ABHD3: variants seen among roughly 807,000 people sequenced by gnomAD.
ABHD3 encodes the protein phospholipase ABHD3.
In ABHD3, 46 loss-of-function variants were observed where a neutral mutation model predicts 48.8. That is an observed-to-expected ratio of 0.94 (90% CI 0.74 to 1.20). The LOEUF is 1.20. Ranked by LOEUF, ABHD3 falls within the 50% of genes most tolerant of loss-of-function variation. The pLI, the probability that ABHD3 is intolerant of heterozygous loss-of-function variation, is 0.00. For missense variants in ABHD3, 490 were observed against 497.8 expected (o/e 0.98, Z 0.15); for synonymous variants, 192 against 183.7 (o/e 1.04, Z -0.36).
chr18:21,702,920 C>T (rs1162470222), intron 2 of ABHD3, among the ~76,000 whole-genome samples: 1 of 152,172 alleles, frequency 6.6e-6, no homozygotes, highest in Non-Finnish European at 1.5e-5. Flanking sequence ...GTATAGTATA[C>T]TTCAAGATTT....
chr18:21,698,463 A>C (rs559519603), intron 3 of ABHD3, among the ~76,000 whole-genome samples: 8 of 152,072 alleles, frequency 5.3e-5, no homozygotes, highest in Non-Finnish European at 1.0e-4. Context: ...CTGGGATTAC[A>C]GGCTTGAGCC....
At chr18:21,685,458 T>C (rs1369684782) in intron 3 of ABHD3, among the ~76,000 whole-genome samples, 2 of 152,226 alleles carry the variant, frequency 1.3e-5, no homozygotes, top group African/African-American at 4.8e-5. Context: ...AGAAGAGAAA[T>C]GTTTAGAAAC....
At chr18:21,671,864 T>C (rs1443812118) in intron 4 of ABHD3, among the ~76,000 whole-genome samples, 1 of 152,282 alleles carries the variant, frequency 6.6e-6, no homozygotes, top group Non-Finnish European at 1.5e-5. Flanking sequence ...CTCAAACTCC[T>C]GGGCTCAAGC....
chr18:21,703,439 G>T (rs1052569491), intron 2 of ABHD3, 145 bp downstream of exon 2: 13 of 986,712 alleles, frequency 1.3e-5, no homozygotes, highest in Middle Eastern at 2.3e-4. Context: ...GTGGAGCCGG[G>T]GACGTACCTT....
rs1194535325 is a variant in ABHD3 at position 21,703,732 on chromosome 18, T to C, written c.178A>G (p.Thr60Ala). Residue 60 changes from threonine (T) to alanine (A), a missense_variant, in exon 2 of 9, where the codon ACC (threonine) becomes GCC (alanine). Thr to Ala is a moderately conservative substitution (Grantham distance 58). Transcript: ENST00000289119. ...SSIAKKPQLV[T>A]GGESFSRFLQ... ...AAGCGGCTGAAACTCTCACCCCCGG[T>C]CACTAACTGGGGTTTCTGAAGGGAA... The C allele has an allele frequency of 6.2e-7, 1 of 1,613,720 alleles. No individual in the cohort carries two copies. The highest frequency in any genetic ancestry group is 8.5e-7 in the Non-Finnish European group (1 of 1,179,824).
At chr18:21,684,088 G>C in intron 3 of ABHD3, 123 bp from the exon 4 acceptor site, 1 of 837,018 alleles carries the variant, frequency 1.2e-6, no homozygotes, top group Non-Finnish European at 1.8e-6. Context: ...CTGTCTTGTA[G>C]TTGTAATGTT....
At chr18:21,671,531 TGGCAG>T (rs2039757334) in intron 4 of ABHD3, among the ~76,000 whole-genome samples, 1 of 152,110 alleles carries the variant, frequency 6.6e-6, no homozygotes, top group Non-Finnish European at 1.5e-5. Context: ...GTAATGCAAC[TGGCAG>T]CTATCCTTCT....
intron 3 of ABHD3, among the ~76,000 whole-genome samples, chr18:21,686,305 A>T (rs1316382791): frequency 6.6e-6 from 1 of 152,234 alleles, no homozygotes; most frequent in Non-Finnish European, 1.5e-5. Context: ...GTCACACAGG[A>T]ACCGGTGCTA....
chr18:21,692,479 G>A (rs942061036), intron 3 of ABHD3, among the ~76,000 whole-genome samples: 2 of 152,068 alleles, frequency 1.3e-5, no homozygotes, highest in Non-Finnish European at 2.9e-5. Context: ...TGGCAATTCT[G>A]GTTATTTCTT....
At chr18:21,667,907 A>G (rs975000712) in intron 4 of ABHD3, among the ~76,000 whole-genome samples, 1 of 152,054 alleles carries the variant, frequency 6.6e-6, no homozygotes, top group African/African-American at 2.4e-5. Context: ...TAAATAGAAA[A>G]TATCTTCTAG....
At chr18:21,674,756 G>A (rs536808636) in intron 4 of ABHD3, among the ~76,000 whole-genome samples, 1 of 152,330 alleles carries the variant, frequency 6.6e-6, no homozygotes, top group Admixed American at 6.5e-5. Flanking sequence ...AATATGTCCA[G>A]TAGGGAGGTA....
At chr18:21,687,973 A>G (rs74534961) in intron 3 of ABHD3, among the ~76,000 whole-genome samples, 1 of 152,324 alleles carries the variant, frequency 6.6e-6, no homozygotes, top group East Asian at 1.9e-4. Flanking sequence ...GACATTGCCA[A>G]ATGTTCCCTG....
intron 3 of ABHD3, among the ~76,000 whole-genome samples, chr18:21,684,560 T>C (rs1398970760): frequency 6.6e-6 from 1 of 152,060 alleles, no homozygotes; most frequent in African/African-American, 2.4e-5. Flanking sequence ...TGACCTCAGG[T>C]GATACGCCCA....
chr18:21,687,732 C>T (rs1159355203), intron 3 of ABHD3, among the ~76,000 whole-genome samples: 1 of 152,092 alleles, frequency 6.6e-6, no homozygotes, highest in Non-Finnish European at 1.5e-5. Flanking sequence ...GACAAGATAA[C>T]CCATTAACCA....
chr18:21,655,297 T>C (rs1449548261), intron 8 of ABHD3, among the ~76,000 whole-genome samples: 1 of 151,098 alleles, frequency 6.6e-6, no homozygotes, highest in African/African-American at 2.4e-5. Context: ...TTTTTTTTTT[T>C]TTTTTTCCAA....
intron 4 of ABHD3, among the ~76,000 whole-genome samples, chr18:21,681,027 C>T (rs1346972099): frequency 3.3e-5 from 5 of 151,952 alleles, no homozygotes; most frequent in Non-Finnish European, 7.4e-5. Flanking sequence ...CACTCCCAGC[C>T]TGTTGTTTCT....
At chr18:21,698,538 C>G (rs935498370) in intron 3 of ABHD3, among the ~76,000 whole-genome samples, 1 of 151,842 alleles carries the variant, frequency 6.6e-6, no homozygotes, top group African/African-American at 2.4e-5. Flanking sequence ...GGAAGTAAGA[C>G]ATAAACATTT....
At chr18:21,703,838 C>G in intron 1 of ABHD3, 91 bp from the exon 2 acceptor site, 1 of 1,432,502 alleles carries the variant, frequency 7.0e-7, no homozygotes, top group Non-Finnish European at 9.6e-7. Flanking sequence ...CGCTCGCGCG[C>G]GCGCTTCCTC....
chr18:21,676,971 T>C (rs2039897247), intron 4 of ABHD3, among the ~76,000 whole-genome samples: 1 of 152,182 alleles, frequency 6.6e-6, no homozygotes, highest in African/African-American at 2.4e-5. Flanking sequence ...ATATTCAGTG[T>C]TGTGCCATCA....
Sources: allele counts gnomAD v4.1 joint callset (sites outside exome capture counted in the v4.1 genomes callset), GRCh38; gene constraint gnomAD v4.1.1; transcripts MANE v1.5; gene names NCBI Gene and HGNC (gene_info 2026-07-23, HGNC 2026-07-21).